MMP14: variants seen among roughly 807,000 people sequenced by gnomAD.
MMP14 encodes the protein matrix metalloproteinase-14.
In MMP14, 13 loss-of-function variants were observed where a neutral mutation model predicts 64.8. That is an observed-to-expected ratio of 0.20 (90% confidence interval 0.13 to 0.32). The LOEUF (loss-of-function observed/expected upper bound fraction) is 0.32. MMP14 is among the 10% of genes least tolerant of loss of function. The pLI is 1.00. For synonymous variants in MMP14, 322 were observed against 315.9 expected (o/e 1.02, Z -0.20); for missense variants, 594 against 783.8 (o/e 0.76, Z 2.89).
Position 22,846,221 on chromosome 14 carries a change from C to T in MMP14, c.*182C>T. On this transcript the variant is annotated 3_prime_UTR_variant, in exon 10 of 10. Coordinates refer to ENST00000311852, the MANE Select transcript of MMP14 (RefSeq NM_004995.4). ...ACCGCCTCCCTCCCTCCTGCCCCGGCATTGCATCTTCCCTAGATAGGTCCC... is the reference window on the plus strand; with the variant it reads ...ACCGCCTCCCTCCCTCCTGCCCCGGTATTGCATCTTCCCTAGATAGGTCCC... 1 of 621,396 alleles carries T rather than the reference C, an allele frequency of 1.6e-6. No homozygotes were observed. Among genetic ancestry groups the T allele is most frequent in the Non-Finnish European group, 2.7e-6 (1 of 363,784 alleles). 38.5% of individuals were successfully genotyped at this position (621,396 alleles called of 1,614,324 possible).
intron 1 of MMP14, among the ~76,000 whole-genome samples, chr14:22,839,595 T>TG (rs377752686): frequency 2.6e-5 from 4 of 152,076 alleles, no homozygotes; most frequent in Admixed American, 6.5e-5. Flanking sequence ...GCATCAGCCT[T>TG]GGGGGGGGAT....
In MMP14 at chr14:22,844,448, C is replaced by A. The variant is rs768702818; in HGVS notation, c.1089C>A (p.Gly363=). ...YPMPIGQFWR[G]LPASINTAYE... is the part of the protein sequence containing the mutation. ...TGCCCATTGGCCAGTTCTGGCGGGGCCTGCCTGCGTCCATCAACACTGCCT... is the reference window on the plus strand; with the variant it reads ...TGCCCATTGGCCAGTTCTGGCGGGGACTGCCTGCGTCCATCAACACTGCCT... Residue 363 remains glycine, a synonymous_variant, in exon 7 of 10, where the codon GGC becomes GGA. Transcript: ENST00000311852. 2.2e-5 allele frequency: 35 copies of A among 1,613,988 alleles called. No homozygotes were observed. Among genetic ancestry groups the A allele is most frequent in the Admixed American group, 5.0e-5 (3 of 59,998 alleles).
Position 22,836,809 on chromosome 14 carries a change from T to C in MMP14, c.-9T>C. 1 of 1,582,006 alleles carries C rather than the reference T, an allele frequency of 6.3e-7. No homozygotes were observed. Among genetic ancestry groups the C allele is most frequent in the Non-Finnish European group, 8.6e-7 (1 of 1,157,922 alleles). On this transcript the variant is annotated 5_prime_UTR_variant, in exon 1 of 10. Coordinates refer to ENST00000311852, the MANE Select transcript of MMP14 (RefSeq NM_004995.4). The stretch of plus-strand genomic sequence containing the variant: ...CCACACTGCCCGGCTGACCCGGTGG[T>C]CTCGGACCATGTCTCCCGCCCCAAG...
In MMP14 at chr14:22,845,881, G is replaced by A. The variant is rs760473001; in HGVS notation, c.1591G>A (p.Glu531Lys). 1.2e-5 allele frequency: 19 copies of A among 1,613,722 alleles called. No individual in the cohort carries two copies. Among genetic ancestry groups the A allele is most frequent in the South Asian group, 2.2e-5 (2 of 91,082 alleles). The change falls in exon 10 of 10, where the codon GAG becomes AAG. Residue 531 changes from glutamate to lysine, a missense_variant. Physicochemically the swap from Glu to Lys is moderately conservative, Grantham distance 56. This residue lies in a region of MMP14 where 364 missense variants were observed against 425.2 expected (regional missense o/e 0.86). Transcript: ENST00000311852. ...GGAGGTGATCATCATTGAGGTGGAC[G>A]AGGAGGGCGGCGGGGCGGTGAGCGC... ...ETEVIIIEVD[E>K]EGGGAVSAAA... is the part of the protein sequence containing the mutation.
chr14:22,843,693 C>T lies in MMP14; in HGVS notation c.851-17C>T, dbSNP rs770053777. On this transcript the variant is annotated splice_polypyrimidine_tract_variant and intron_variant, in intron 5 of 9. Coordinates refer to ENST00000311852, the MANE Select transcript of MMP14 (RefSeq NM_004995.4). The surrounding 1 kb of genome is among the most constrained non-coding windows in gnomAD (Gnocchi z 4.8). ...CTCCTCCTAAGTCTGAAATGCCCCT[C>T]GTGTTTTCTGCCCCAGGGGGTGAGT... 3.8e-6 allele frequency: 6 copies of T among 1,585,200 alleles called. 1 individual carries two copies. Among genetic ancestry groups the T allele is most frequent in the South Asian group, 2.3e-5 (2 of 87,048 alleles).
intron 1 of MMP14, among the ~76,000 whole-genome samples, chr14:22,840,149 T>C (rs1411581025): frequency 6.6e-6 from 1 of 151,980 alleles, no homozygotes; most frequent in African/African-American, 2.4e-5. Context: ...GTATTTTTAG[T>C]AGAGACAGGG....
rs2039804230 is a variant in MMP14 at position 22,845,280 on chromosome 14, C to T, written c.1331C>T (p.Ala444Val). 1 of 1,613,724 alleles carries T rather than the reference C, an allele frequency of 6.2e-7. No individual in the cohort carries two copies. Among genetic ancestry groups the T allele is most frequent in the Non-Finnish European group, 8.5e-7 (1 of 1,179,848 alleles). The change falls in exon 9 of 10, where the codon GCA becomes GTA. Residue 444 changes from alanine to valine, a missense_variant. Transcript: ENST00000311852. ...KYYRFNEELR[A>V]VDSEYPKNIK... ...TACCGTTTCAACGAAGAGCTCAGGG[C>T]AGTGGATAGCGAGTACCCCAAGAAC...
chr14:22,844,845 G>C, intron 8 of MMP14, 65 bp downstream of exon 8: 1 of 1,600,834 alleles, frequency 6.2e-7, no homozygotes, highest in Non-Finnish European at 8.5e-7. Flanking sequence ...AATTCCCTCA[G>C]TTCTGGAGAA....
rs1054120287 is a variant in MMP14 at position 22,846,681 on chromosome 14, A to G, written c.*642A>G. 7 of 151,512 alleles carry G rather than the reference A, an allele frequency of 4.6e-5. 1 individual carries two copies. Among genetic ancestry groups the G allele is most frequent in the Admixed American group, 4.6e-4 (7 of 15,154 alleles). The allele number at this position is 151,512 out of a possible 1,614,324, so 9.4% of individuals were successfully genotyped here. A position where few individuals can be genotyped will look rare whatever the true frequency, so the allele number is the denominator to read the frequency against. Reference sequence around the variant, plus strand: ...TCGGAGATCTGCCTCTGCCTCACCTACCCCAGGGAACTTCCAAGGAAGGAG... The same window carrying G: ...TCGGAGATCTGCCTCTGCCTCACCTGCCCCAGGGAACTTCCAAGGAAGGAG... On this transcript the variant is annotated 3_prime_UTR_variant, in exon 10 of 10. Coordinates refer to ENST00000311852, the MANE Select transcript of MMP14 (RefSeq NM_004995.4).
intron 1 of MMP14, among the ~76,000 whole-genome samples, chr14:22,838,277 T>C (rs1341513008): frequency 6.6e-6 from 1 of 152,164 alleles, no homozygotes; most frequent in African/African-American, 2.4e-5. Flanking sequence ...CCTGAGCATC[T>C]GGGGAGCTGC....
At chr14:22,837,561 G>C in intron 1 of MMP14, 1 of 359,650 alleles carries the variant, frequency 2.8e-6, no homozygotes, top group Non-Finnish European at 5.5e-6. Context: ...CGCTGGCCGC[G>C]TTTCCGTACA....
chr14:22,841,776 T>C, intron 2 of MMP14, 137 bp downstream of exon 2: 1 of 1,548,960 alleles, frequency 6.5e-7, no homozygotes. Flanking sequence ...CCTGACCCTC[T>C]CATATTCACC....
Position 22,843,333 on chromosome 14 carries a change from C to T in MMP14, c.765C>T (p.Ala255=). Residue 255 remains alanine, a synonymous_variant, in exon 5 of 10, where the codon GCC becomes GCT. Transcript: ENST00000311852. The surrounding 1 kb of genome is among the most constrained non-coding windows in gnomAD (Gnocchi z 4.8). ...TCGAGCATTCCAGTGACCCCTCGGC[C>T]ATCATGGCACCCTTTTACCAGTGGA... ...LGLEHSSDPS[A]IMAPFYQWMD... is the part of the protein sequence containing the mutation. 1 of 1,614,064 alleles carries T rather than the reference C, an allele frequency of 6.2e-7. No homozygotes were observed. The highest frequency in any genetic ancestry group is 8.5e-7 in the Non-Finnish European group (1 of 1,180,022).
rs765715939 is a variant in MMP14, at chr14:22,843,386, A to G, written c.818A>G (p.Asp273Gly). ...WMDTENFVLP[D>G]DDRRGIQQLY... ...GACACGGAGAATTTTGTGCTGCCCG[A>G]TGATGACCGCCGGGGCATCCAGCAA... The change falls in exon 5 of 10, where the codon GAT becomes GGT. Residue 273 changes from aspartate to glycine, a missense_variant. Asp to Gly is a moderately conservative substitution (Grantham distance 94). This residue lies in a region of MMP14 where 364 missense variants were observed against 425.2 expected (regional missense o/e 0.86). Transcript: ENST00000311852. The surrounding 1 kb of genome is among the most constrained non-coding windows in gnomAD (Gnocchi z 4.8). 6.0e-5 allele frequency: 97 copies of G among 1,613,808 alleles called. No homozygotes were observed. Among genetic ancestry groups the G allele is most frequent in the Non-Finnish European group, 7.9e-5 (93 of 1,179,990 alleles).
At position 22,843,539 on chromosome 14, in the gene MMP14, T is replaced by C. The variant is rs943318138; in HGVS notation, c.850+121T>C. 1.1e-5 allele frequency: 16 copies of C among 1,403,612 alleles called. No homozygotes were observed. In the Admixed American group the frequency reaches 3.4e-4, roughly 30 times the overall value. The allele number at this position is 1,403,612 out of a possible 1,614,324, so 86.9% of individuals were successfully genotyped here. A position where few individuals can be genotyped will look rare whatever the true frequency, so the allele number is the denominator to read the frequency against. ...CGCCCCCTGCCAACCTGCCCCTGCC[T>C]CTATCAGCTCCACTTTTGAGCCCAT... On this transcript the variant is annotated intron_variant, in intron 5 of 9. Coordinates refer to ENST00000311852, the MANE Select transcript of MMP14 (RefSeq NM_004995.4). The surrounding 1 kb of genome is among the most constrained non-coding windows in gnomAD (Gnocchi z 4.8).
chr14:22,840,875 A>C (rs892813049), intron 1 of MMP14, among the ~76,000 whole-genome samples: 13 of 152,242 alleles, frequency 8.5e-5, no homozygotes, highest in African/African-American at 2.7e-4. Flanking sequence ...TTGGATAAGG[A>C]CAGCGGCAGG....
Position 22,843,428 on chromosome 14 carries a change from C to A in MMP14, c.850+10C>A, listed in dbSNP as rs779472403. ...ATCCAGCAACTTTATGGCGAGTAGT[C>A]TACACCCACGCCTGCTCCCTCCTCT... is the stretch of plus-strand genomic sequence containing the variant. On this transcript the variant is annotated intron_variant, in intron 5 of 9. Transcript: ENST00000311852. The surrounding 1 kb of genome is among the most constrained non-coding windows in gnomAD (Gnocchi z 4.8). 4 of 1,609,720 alleles carry A rather than the reference C, an allele frequency of 2.5e-6. No homozygotes were observed. The African/African-American group carries it at 4.0e-5, about 16-fold the overall frequency.
chr14:22,844,743 A>G lies in MMP14; in HGVS notation c.1264A>G (p.Met422Val), dbSNP rs2039799955. ...TDKIDAALFW[M>V]PNGKTYFFRG... ...CAAGATTGATGCTGCTCTCTTCTGG[A>G]TGCCCAATGGAAAGACCTACTTCTT... The change falls in exon 8 of 10, where the codon ATG becomes GTG. Residue 422 changes from methionine (M) to valine (V), a missense_variant. Physicochemically the swap from Met to Val is conservative, Grantham distance 21. This residue lies in a region of MMP14 where 364 missense variants were observed against 425.2 expected (regional missense o/e 0.86). Transcript: ENST00000311852. 22 of 1,614,078 alleles carry G rather than the reference A, an allele frequency of 1.4e-5. No homozygotes were observed. Among genetic ancestry groups the G allele is most frequent in the Non-Finnish European group, 1.9e-5 (22 of 1,180,006 alleles).
intron 6 of MMP14, among the ~76,000 whole-genome samples, 168 bp downstream of exon 6, chr14:22,844,038 A>G (rs1413326297): frequency 2.0e-5 from 3 of 152,166 alleles, no homozygotes; most frequent in Non-Finnish European, 4.4e-5. Flanking sequence ...TCTACTAAAA[A>G]TACAAAAAAT....
Sources: allele counts gnomAD v4.1 joint callset (sites outside exome capture counted in the v4.1 genomes callset), GRCh38; gene constraint gnomAD v4.1.1; regional missense constraint gnomAD v4.1.1; non-coding constraint Gnocchi (gnomAD v3.1); transcripts MANE v1.5; gene names NCBI Gene and HGNC (gene_info 2026-07-23, HGNC 2026-07-21).